The following LARP1 variants were observed in gnomAD, a reference collection of about 807,000 sequenced individuals.
The protein encoded by LARP1 is La ribonucleoprotein 1, translational regulator, also known as la-related protein 1.
LARP1 carries 36 observed loss-of-function variants against 122.7 expected under a neutral mutation model. The ratio of observed to expected loss-of-function variants is 0.29; its 90% CI spans 0.22 to 0.39. LARP1 has a LOEUF of 0.39. LARP1 is among the 10% of genes least tolerant of loss of function. The pLI is 1.00. For missense variants in LARP1, 1,040 were observed against 1,403.6 expected (o/e 0.74, Z 4.14); for synonymous variants, 539 against 528.7 (o/e 1.02, Z -0.27).
In LARP1 at chr5:154,794,168, A is replaced by G. The variant is rs770882040; in HGVS notation, c.1138A>G (p.Met380Val). 2.5e-6 allele frequency: 4 copies of G among 1,614,210 alleles called. No individual in the cohort carries two copies. The highest frequency in any genetic ancestry group is 2.5e-6 in the Non-Finnish European group (3 of 1,180,020). ...GVEGPRTPKY[M>V]NNITYYFDNV... ...GGAGGGGCCTCGTACGCCCAAGTAC[A>G]TGAACAACATCACCTACTACTTTGA... The change falls in exon 7 of 19, where the codon ATG (methionine) becomes GTG (valine). Residue 380 changes from methionine to valine, a missense_variant. Physicochemically the swap from Met to Val is conservative, Grantham distance 21. Coordinates refer to ENST00000518297, the MANE Select transcript of LARP1 (RefSeq NM_033551.3).
chr5:154,747,780 C>T (rs1353100687), intron 1 of LARP1, among the ~76,000 whole-genome samples: 4 of 152,072 alleles, frequency 2.6e-5, no homozygotes, highest in Admixed American at 2.6e-4. Flanking sequence ...AGGAGAATCG[C>T]TTGAACCAGG....
At chr5:154,713,976 C>T (rs1755354214) in intron 1 of LARP1, among the ~76,000 whole-genome samples, 1 of 152,166 alleles carries the variant, frequency 6.6e-6, no homozygotes, top group South Asian at 2.1e-4. Flanking sequence ...TGGTAGATAC[C>T]GCTTGTGCTG....
chr5:154,813,512 TGGAAG>T (rs1232531850), intron 18 of LARP1, among the ~76,000 whole-genome samples: 1 of 152,178 alleles, frequency 6.6e-6, no homozygotes, highest in African/African-American at 2.4e-5. Flanking sequence ...GATCCCTTCT[TGGAAG>T]GGAAGCAGAA....
chr5:154,706,692 A>G (rs920733223), intron 1 of LARP1, among the ~76,000 whole-genome samples: 2 of 151,900 alleles, frequency 1.3e-5, no homozygotes, highest in East Asian at 3.9e-4. Context: ...ACCCACACAC[A>G]CATCCCCTGA....
chr5:154,704,764 C>T (rs1754870570), intron 1 of LARP1, among the ~76,000 whole-genome samples: 2 of 151,730 alleles, frequency 1.3e-5, no homozygotes, highest in Admixed American at 6.6e-5. Context: ...GAGCTACTAT[C>T]CACAATCTAT....
chr5:154,772,980 C>CTTT (rs545991732), intron 1 of LARP1, among the ~76,000 whole-genome samples: 19 of 115,092 alleles, frequency 1.7e-4, no homozygotes, highest in South Asian at 5.8e-4. Context: ...CGCACCTGGC[C>CTTT]TTTTTTTTTT....
chr5:154,735,968 A>T (rs1046325269), intron 1 of LARP1, among the ~76,000 whole-genome samples: 4 of 152,068 alleles, frequency 2.6e-5, no homozygotes. Flanking sequence ...TACCCAGGCA[A>T]GAGTGCAGTG....
At chr5:154,780,713 G>A (rs1756353587) in intron 1 of LARP1, among the ~76,000 whole-genome samples, 1 of 152,132 alleles carries the variant, frequency 6.6e-6, no homozygotes, top group African/African-American at 2.4e-5. Flanking sequence ...TAATTTTTTG[G>A]GGATTCAGAA....
At chr5:154,792,573 C>T in intron 3 of LARP1, 49 bp from the exon 4 acceptor site, 2 of 1,569,222 alleles carry the variant, frequency 1.3e-6, no homozygotes, top group Non-Finnish European at 1.7e-6. Context: ...CCCTCCTATA[C>T]CATGAGGCAC....
In LARP1 at chr5:154,686,328, G is replaced by A. The variant is rs548747478; in HGVS notation, c.-180+3291G>A. On this transcript the variant is annotated intron_variant, in intron 1 of 18. Coordinates refer to the LARP1 transcript ENST00000687700. ...CCGGAAGAGGTGGTGTTTTGGCTGG[G>A]TCTGACGGAACAGATGGAGTTCATT... Among the ~76,000 whole-genome samples the A allele has an allele frequency of 6.6e-5, 10 of 152,296 alleles. No homozygotes were observed. The South Asian group carries it at 1.9e-3, about 28-fold the overall frequency.
At chr5:154,799,836 A>C in intron 9 of LARP1, 37 bp from the exon 10 acceptor site, 3 of 1,611,786 alleles carry the variant, frequency 1.9e-6, no homozygotes, top group Non-Finnish European at 2.5e-6. Flanking sequence ...CAGGAGGAGG[A>C]CTGGAGGGAT....
chr5:154,747,186 A>G (rs1172872889), intron 1 of LARP1, among the ~76,000 whole-genome samples: 1 of 151,952 alleles, frequency 6.6e-6, no homozygotes, highest in Non-Finnish European at 1.5e-5. Flanking sequence ...GGCACCTGTA[A>G]TCCCAGCTAC....
At chr5:154,709,275 G>A (rs1227747668), upstream of LARP1, among the ~76,000 whole-genome samples, 1 of 152,210 alleles carries the variant, frequency 6.6e-6, no homozygotes, top group East Asian at 1.9e-4. Context: ...TGATGAAGTG[G>A]TGGCCTTCAA....
At chr5:154,704,708 C>A (rs991643987) in intron 1 of LARP1, among the ~76,000 whole-genome samples, 1 of 147,798 alleles carries the variant, frequency 6.8e-6, no homozygotes, top group African/African-American at 2.5e-5. Flanking sequence ...AAATAGACAA[C>A]CTACAGAACA....
chr5:154,791,998 G>A (rs1427348144), intron 3 of LARP1: 1 of 455,780 alleles, frequency 2.2e-6, no homozygotes, highest in Admixed American at 2.3e-5. Flanking sequence ...ATGGCCAAGT[G>A]GGGATTGGAA....
intron 1 of LARP1, among the ~76,000 whole-genome samples, chr5:154,763,535 T>C (rs1754652475): frequency 6.6e-6 from 1 of 151,934 alleles, no homozygotes; most frequent in Admixed American, 6.6e-5. Context: ...TCCCAGCACT[T>C]TGGGAGACCG....
intron 1 of LARP1, among the ~76,000 whole-genome samples, chr5:154,774,407 G>A (rs1315947295): frequency 6.6e-6 from 1 of 152,174 alleles, no homozygotes; most frequent in African/African-American, 2.4e-5. Context: ...CTGCTCCAGG[G>A]AGTGAGGGGG....
rs1758099294 is a variant in LARP1 at position 154,798,855 on chromosome 5, T to G, written c.1378-736T>G. On this transcript the variant is annotated intron_variant, in intron 8 of 18. Coordinates refer to ENST00000518297, the MANE Select transcript of LARP1 (RefSeq NM_033551.3). ...TCAGCACATGTAAAGTTGGTTGTTT[T>G]TTTGTTTGTTTGTTTGTTTGTTTGT... 4.6e-5 allele frequency among the ~76,000 whole-genome samples: 7 copies of G among 151,968 alleles called. No individual in the cohort carries two copies. The South Asian group carries it at 8.3e-4, about 18-fold the overall frequency.
At chr5:154,790,507 C>T in intron 2 of LARP1, 121 bp downstream of exon 2, 1 of 1,265,312 alleles carries the variant, frequency 7.9e-7, no homozygotes, top group Non-Finnish European at 1.1e-6. Context: ...GCAGGGGAGC[C>T]CCTTCTAGGT....
Sources: gnomAD v4.1 joint callset for allele counts (sites outside exome capture counted in the v4.1 genomes callset) on GRCh38, gnomAD v4.1.1 for gene constraint, MANE v1.5 for transcripts, NCBI Gene and HGNC (gene_info 2026-07-23, HGNC 2026-07-21) for gene names.